Variants in SEMA6D observed in about 807,000 individuals in gnomAD.
SEMA6D encodes the protein semaphorin 6D, also known as semaphorin-6D.
A neutral mutation model predicts 106.6 loss-of-function variants in SEMA6D; 35 were observed. The observed-to-expected ratio is 0.33, with a 90% CI of 0.25 to 0.44. SEMA6D has a LOEUF of 0.44. SEMA6D is among the 20% of genes least tolerant of loss of function. The pLI is 1.00. For synonymous variants in SEMA6D, 499 were observed against 487.7 expected, an observed-to-expected ratio of 1.02 and a Z score of -0.31; for missense variants, 1,185 against 1,345.9, an observed-to-expected ratio of 0.88 and a Z score of 1.87.
intron 1 of SEMA6D, among the ~76,000 whole-genome samples, chr15:47,217,826 AT>A (rs1427466812): frequency 7.3e-5 from 11 of 151,056 alleles, no homozygotes; most frequent in African/African-American, 2.2e-4. Flanking sequence ...ATACACACAA[AT>A]ACATGCATAT....
intron 4 of SEMA6D, among the ~76,000 whole-genome samples, chr15:47,650,386 A>T (rs1168371510): frequency 6.6e-6 from 1 of 152,222 alleles, no homozygotes; most frequent in Non-Finnish European, 1.5e-5. Context: ...GTGGGAACTC[A>T]CAGCCAAATG....
intron 4 of SEMA6D, among the ~76,000 whole-genome samples, chr15:47,678,675 A>G (rs1267553233): frequency 1.3e-5 from 2 of 151,384 alleles, no homozygotes; most frequent in African/African-American, 4.9e-5. Context: ...CACATTTTCT[A>G]TTCCCCTTTA....
chr15:47,657,866 G>A (rs551864867), intron 4 of SEMA6D, among the ~76,000 whole-genome samples: 5 of 149,242 alleles, frequency 3.4e-5, no homozygotes, highest in Non-Finnish European at 7.4e-5. Context: ...TCAGCCTCCC[G>A]AGTAGCTGGG....
At chr15:47,322,407 C>G (rs1429497544) in intron 1 of SEMA6D, among the ~76,000 whole-genome samples, 1 of 151,138 alleles carries the variant, frequency 6.6e-6, no homozygotes, top group African/African-American at 2.4e-5. Context: ...CTTTTATGAT[C>G]TTGATACCTT....
intron 1 of SEMA6D, among the ~76,000 whole-genome samples, chr15:47,390,572 T>TTTG (rs2039994137): frequency 2.0e-5 from 3 of 151,544 alleles, no homozygotes; most frequent in Non-Finnish European, 4.4e-5. Context: ...TCACCGGTTT[T>TTTG]TTTGTTTGTT....
intron 1 of SEMA6D, among the ~76,000 whole-genome samples, chr15:47,235,472 G>A (rs72731756): frequency 1.3e-5 from 2 of 151,920 alleles, no homozygotes; most frequent in Non-Finnish European, 2.9e-5. Flanking sequence ...GGGTCTTAAA[G>A]TCTTTGATCC....
intron 2 of SEMA6D, among the ~76,000 whole-genome samples, chr15:47,430,688 T>C (rs1164162190): frequency 1.3e-5 from 2 of 152,066 alleles, no homozygotes; most frequent in East Asian, 3.9e-4. Context: ...CTTGCCACCC[T>C]GCCCCCATTT....
intron 2 of SEMA6D, 79 bp downstream of exon 2, chr15:47,759,986 AG>A: frequency 9.6e-7 from 1 of 1,038,710 alleles, no homozygotes. Context: ...GTTCATTTTC[AG>A]AAAGAGGCAG....
At chr15:47,272,380 C>CA (rs1037523785) in intron 1 of SEMA6D, among the ~76,000 whole-genome samples, 6 of 152,126 alleles carry the variant, frequency 3.9e-5, no homozygotes, top group African/African-American at 1.4e-4. Flanking sequence ...CAAAATAGCA[C>CA]AAAGACATTG....
At chr15:47,400,030 T>A (rs1338649654) in intron 1 of SEMA6D, among the ~76,000 whole-genome samples, 1 of 152,224 alleles carries the variant, frequency 6.6e-6, no homozygotes, top group African/African-American at 2.4e-5. Context: ...AATAATTTTA[T>A]TTTTATGATA....
intron 4 of SEMA6D, among the ~76,000 whole-genome samples, chr15:47,620,717 T>C (rs369211886): frequency 9.8e-4 from 125 of 127,712 alleles, no homozygotes; most frequent in Admixed American, 3.5e-3. Flanking sequence ...TATACACACA[T>C]ATATATATAT....
chr15:47,266,271 C>G (rs1210904716), intron 1 of SEMA6D, among the ~76,000 whole-genome samples: 2 of 151,962 alleles, frequency 1.3e-5, no homozygotes, highest in Admixed American at 1.3e-4. Context: ...ACTTGAACTT[C>G]TGCACACCCT....
At chr15:47,675,111 G>A (rs372198902) in intron 4 of SEMA6D, among the ~76,000 whole-genome samples, 2 of 152,254 alleles carry the variant, frequency 1.3e-5, no homozygotes, top group African/African-American at 4.8e-5. Context: ...TGTTTCTGAG[G>A]TTATTGGCTG....
At chr15:47,305,051 A>G (rs2036181272) in intron 1 of SEMA6D, among the ~76,000 whole-genome samples, 1 of 152,198 alleles carries the variant, frequency 6.6e-6, no homozygotes, top group Non-Finnish European at 1.5e-5. Flanking sequence ...TTCTGTAAAG[A>G]TTAGAAATAA....
chr15:47,648,386 G>A (rs753555414), intron 4 of SEMA6D, among the ~76,000 whole-genome samples: 10 of 152,174 alleles, frequency 6.6e-5, no homozygotes, highest in Non-Finnish European at 1.2e-4. Context: ...AGATGGGATG[G>A]CATCCTCTCC....
chr15:47,202,538 C>T (rs141115944), intron 1 of SEMA6D, among the ~76,000 whole-genome samples: 68 of 152,228 alleles, frequency 4.5e-4, no homozygotes, highest in African/African-American at 1.6e-3. Flanking sequence ...CACGCCTCCT[C>T]CCAAGGAAAG....
chr15:47,401,696 A>G (rs1289664589), intron 1 of SEMA6D, among the ~76,000 whole-genome samples: 1 of 152,164 alleles, frequency 6.6e-6, no homozygotes, highest in Non-Finnish European at 1.5e-5. Context: ...GACTCTGCAT[A>G]TGCTGTTCTC....
intron 2 of SEMA6D, among the ~76,000 whole-genome samples, chr15:47,423,622 TC>T (rs903167051): frequency 6.6e-6 from 1 of 152,112 alleles, no homozygotes; most frequent in Non-Finnish European, 1.5e-5. Context: ...ATTTTTTTTT[TC>T]CTCAAGTGAA....
chr15:47,257,337 G>A (rs981211132), intron 1 of SEMA6D, among the ~76,000 whole-genome samples: 7 of 152,144 alleles, frequency 4.6e-5, no homozygotes, highest in Admixed American at 1.3e-4. Context: ...GATTACAGGC[G>A]TGAGCCACTG....
Sources: gnomAD v4.1 joint callset for allele counts (sites outside exome capture counted in the v4.1 genomes callset) on GRCh38, gnomAD v4.1.1 for gene constraint, MANE v1.5 for transcripts, NCBI Gene and HGNC (gene_info 2026-07-23, HGNC 2026-07-21) for gene names.